The following POU6F2 variants were observed in gnomAD, a reference collection of about 807,000 sequenced individuals.
The protein encoded by POU6F2 is POU domain, class 6, transcription factor 2.
A neutral mutation model predicts 71.3 loss-of-function variants in POU6F2; 31 were observed. That is an observed-to-expected ratio of 0.43 (90% CI 0.33 to 0.59). POU6F2 has a LOEUF of 0.59. Among genes scored for constraint, POU6F2 ranks in the 20% least tolerant of loss-of-function variants. The pLI is 0.04. For synonymous variants in POU6F2, 347 were observed against 355.7 expected (o/e 0.98, Z 0.27); for missense variants, 783 against 856.8 (o/e 0.91, Z 1.07).
At chr7:39,381,229 T>C (rs894163083) in intron 5 of POU6F2, among the ~76,000 whole-genome samples, 50 of 152,020 alleles carry the variant, frequency 3.3e-4, no homozygotes, top group African/African-American at 1.2e-3. Context: ...CATGCCCAGC[T>C]AATTTTTGTT....
chr7:39,308,785 G>A (rs1479716062), intron 4 of POU6F2, among the ~76,000 whole-genome samples: 1 of 152,148 alleles, frequency 6.6e-6, no homozygotes, highest in Non-Finnish European at 1.5e-5. Context: ...TGGGCGCCCT[G>A]TGCCATGTAC....
At chr7:39,147,569 G>A (rs760810093) in intron 2 of POU6F2, among the ~76,000 whole-genome samples, 1 of 152,174 alleles carries the variant, frequency 6.6e-6, no homozygotes, top group Non-Finnish European at 1.5e-5. Flanking sequence ...AAAGTCCCAG[G>A]CCAGGGTAGG....
intron 4 of POU6F2, among the ~76,000 whole-genome samples, chr7:39,264,473 T>C (rs1784203309): frequency 6.6e-6 from 1 of 152,192 alleles, no homozygotes; most frequent in Non-Finnish European, 1.5e-5. Flanking sequence ...GATTATTTCC[T>C]GAGTGTATCA....
At chr7:39,042,279 C>T (rs1790207680) in intron 1 of POU6F2, among the ~76,000 whole-genome samples, 1 of 152,142 alleles carries the variant, frequency 6.6e-6, no homozygotes, top group South Asian at 2.1e-4. Context: ...GGCATACATA[C>T]TAGTGTTTAC....
chr7:39,340,400 A>G (rs1785891893), intron 5 of POU6F2, among the ~76,000 whole-genome samples: 1 of 152,204 alleles, frequency 6.6e-6, no homozygotes, highest in African/African-American at 2.4e-5. Flanking sequence ...AACTGCATCT[A>G]CTGTCCATGA....
intron 9 of POU6F2, among the ~76,000 whole-genome samples, chr7:39,463,831 G>A (rs971128619): frequency 2.6e-5 from 4 of 152,214 alleles, no homozygotes; most frequent in African/African-American, 9.7e-5. Context: ...GCCTTCATGA[G>A]TCTGAGGACT....
chr7:39,177,620 A>G (rs962741444), intron 2 of POU6F2, among the ~76,000 whole-genome samples: 1 of 152,186 alleles, frequency 6.6e-6, no homozygotes, highest in Non-Finnish European at 1.5e-5. Context: ...CTTCACACGG[A>G]AGGGGCTGGC....
At chr7:39,210,256 T>G (rs115122329) in intron 4 of POU6F2, among the ~76,000 whole-genome samples, 2 of 152,238 alleles carry the variant, frequency 1.3e-5, no homozygotes, top group Non-Finnish European at 2.9e-5. Context: ...TGTAACATGC[T>G]TGGTCATGAA....
chr7:39,363,348 TGAGAA>T, intron 5 of POU6F2, among the ~76,000 whole-genome samples: 1 of 151,994 alleles, frequency 6.6e-6, no homozygotes, highest in Non-Finnish European at 1.5e-5. Context: ...AGGAAGACAG[TGAGAA>T]GAGAAGGTTT....
chr7:39,090,007 T>C (rs990260549), intron 2 of POU6F2, among the ~76,000 whole-genome samples: 7 of 152,008 alleles, frequency 4.6e-5, no homozygotes, highest in Non-Finnish European at 1.0e-4. Context: ...CTAAGAGCCT[T>C]GAGCTGAGAT....
At chr7:39,306,958 T>G (rs527462032) in intron 4 of POU6F2, among the ~76,000 whole-genome samples, 16 of 152,344 alleles carry the variant, frequency 1.1e-4, no homozygotes, top group African/African-American at 3.6e-4. Context: ...CTTTCAGCTC[T>G]GAATTAGGAT....
At chr7:39,174,099 G>A (rs1467689099) in intron 2 of POU6F2, among the ~76,000 whole-genome samples, 1 of 152,220 alleles carries the variant, frequency 6.6e-6, no homozygotes, top group African/African-American at 2.4e-5. Context: ...ACCAAGTGGG[G>A]GTGTGATGGA....
chr7:38,986,804 G>A (rs1337726345), intron 1 of POU6F2, among the ~76,000 whole-genome samples: 3 of 152,216 alleles, frequency 2.0e-5, no homozygotes, highest in Admixed American at 1.3e-4. Flanking sequence ...TCCTTCCAGA[G>A]ATTTTCTGTG....
Position 39,412,778 on chromosome 7 carries a change from C to CTTTTTTTTTTTTT in POU6F2, c.1113+6067_1113+6079dup, listed in dbSNP as rs1166811956. On this transcript the variant is annotated intron_variant, in intron 6 of 9. Transcript: ENST00000518318. ...TCCGTATTAGCTTCAGTTTTCTTGC[C>CTTTTTTTTTTTTT]TTTTTTTTTTTTTTTTTTTTTTTTT... 1.6e-3 allele frequency among the ~76,000 whole-genome samples: 37 copies of CTTTTTTTTTTTTT among 23,190 alleles called. 17 individuals carry two copies. Among genetic ancestry groups the CTTTTTTTTTTTTT allele is most frequent in the Non-Finnish European group, 3.2e-3 (30 of 9,472 alleles). 15.2% of individuals were successfully genotyped at this position (23,190 alleles called of 152,430 possible).
intron 7 of POU6F2, among the ~76,000 whole-genome samples, chr7:39,442,674 C>T (rs779053233): frequency 6.6e-6 from 1 of 152,166 alleles, no homozygotes; most frequent in Non-Finnish European, 1.5e-5. Context: ...TTTCATTGGC[C>T]TTTTAAACCC....
intron 2 of POU6F2, among the ~76,000 whole-genome samples, chr7:39,090,277 A>G (rs1401662124): frequency 6.6e-6 from 1 of 152,090 alleles, no homozygotes; most frequent in Admixed American, 6.6e-5. Context: ...AACATGCATT[A>G]TAAGATTTTT....
chr7:39,435,034 T>C lies in POU6F2; in HGVS notation c.1320+1751T>C, dbSNP rs192295639. Among the ~76,000 whole-genome samples the C allele has an allele frequency of 4.5e-4, 69 of 152,350 alleles. No homozygotes were observed. The South Asian group carries it at 0.011, about 24-fold the overall frequency. ...ACATTTTCCTTATCCAGTCTATCATTGATGGGCATTTGGGTTGGTTCCACG... is the reference window on the plus strand; with the variant it reads ...ACATTTTCCTTATCCAGTCTATCATCGATGGGCATTTGGGTTGGTTCCACG... On this transcript the variant is annotated intron_variant, in intron 7 of 9. Coordinates refer to ENST00000518318, the MANE Select transcript of POU6F2 (RefSeq NM_001370959.1).
intron 6 of POU6F2, among the ~76,000 whole-genome samples, chr7:39,432,365 T>G (rs1305546388): frequency 6.6e-6 from 1 of 152,180 alleles, no homozygotes; most frequent in African/African-American, 2.4e-5. Flanking sequence ...TCCTCAGTAG[T>G]CATTTCACCT....
At position 39,309,569 on chromosome 7, in the gene POU6F2, T is replaced by C. The variant is rs374107624; in HGVS notation, c.599-30073T>C. Among the ~76,000 whole-genome samples, 168 of 152,270 alleles carry C rather than the reference T, an allele frequency of 1.1e-3. 1 individual carries two copies. In the South Asian group the frequency reaches 0.013, roughly 12 times the overall value. The stretch of plus-strand genomic sequence containing the variant: ...GAAACTCCACACCTTTAAAAAAAAT[T>C]TTTTTTCCTCAGGTTCACAAACTGA... On this transcript the variant is annotated intron_variant, in intron 4 of 9. Coordinates refer to ENST00000518318, the MANE Select transcript of POU6F2 (RefSeq NM_001370959.1).
Sources: gnomAD v4.1 joint callset for allele counts (sites outside exome capture counted in the v4.1 genomes callset) on GRCh38, gnomAD v4.1.1 for gene constraint, MANE v1.5 for transcripts, NCBI Gene and HGNC (gene_info 2026-07-23, HGNC 2026-07-21) for gene names.